CDH12: variants seen among roughly 807,000 people sequenced by gnomAD.
CDH12 encodes cadherin-12.
CDH12 carries 41 observed loss-of-function variants against 74.1 expected under a neutral mutation model. That is an observed-to-expected ratio of 0.55 (90% CI 0.43 to 0.72). The LOEUF (loss-of-function observed/expected upper bound fraction) is 0.72. CDH12 is among the 30% of genes least tolerant of loss of function. The probability of loss-of-function intolerance (pLI) is 0.00; values close to 1 mark genes in which losing one functional copy is unlikely to be tolerated. For missense variants in CDH12, 945 were observed against 977.2 expected, an observed-to-expected ratio of 0.97 and a Z score of 0.44; for synonymous variants, 399 against 355.0, an observed-to-expected ratio of 1.12 and a Z score of -1.39.
At chr5:22,055,037 A>T (rs564237251) in intron 5 of CDH12, among the ~76,000 whole-genome samples, 37 of 152,300 alleles carry the variant, frequency 2.4e-4, no homozygotes, top group Non-Finnish European at 4.6e-4. Context: ...TGCTGTTAAT[A>T]ATTTTACCCT....
chr5:21,902,088 G>A (rs1354710894), intron 6 of CDH12, among the ~76,000 whole-genome samples: 2 of 151,882 alleles, frequency 1.3e-5, no homozygotes, highest in African/African-American at 2.4e-5. Context: ...TGCACTATAC[G>A]CAAAGCAATA....
At chr5:22,807,948 A>G (rs916209355) in intron 1 of CDH12, among the ~76,000 whole-genome samples, 19 of 152,334 alleles carry the variant, frequency 1.2e-4, no homozygotes, top group African/African-American at 4.3e-4. Context: ...CAGAAACAAA[A>G]AAAATTAAAT....
chr5:22,814,660 TATA>T (rs1375153535), intron 1 of CDH12, among the ~76,000 whole-genome samples: 2 of 152,302 alleles, frequency 1.3e-5, no homozygotes, highest in East Asian at 3.9e-4. Context: ...TGTAGCTAAG[TATA>T]ATTATGTTCA....
At chr5:22,241,206 A>AT (rs1181670450) in intron 3 of CDH12, among the ~76,000 whole-genome samples, 1 of 152,024 alleles carries the variant, frequency 6.6e-6, no homozygotes, top group African/African-American at 2.4e-5. Context: ...AATACTATTT[A>AT]TTTTTTAATA....
At chr5:22,216,116 C>T (rs373520734) in intron 3 of CDH12, among the ~76,000 whole-genome samples, 4 of 152,064 alleles carry the variant, frequency 2.6e-5, no homozygotes, top group South Asian at 2.1e-4. Context: ...CCCACTATGT[C>T]GAACAAATAT....
At chr5:22,089,615 C>T (rs111403194) in intron 4 of CDH12, among the ~76,000 whole-genome samples, 287 of 152,150 alleles carry the variant, frequency 1.9e-3, no homozygotes, top group African/African-American at 6.7e-3. Context: ...ACTAGAGGAG[C>T]TCAACACTAG....
intron 1 of CDH12, among the ~76,000 whole-genome samples, chr5:22,787,984 G>A (rs1177990085): frequency 3.9e-5 from 6 of 152,116 alleles, no homozygotes; most frequent in Admixed American, 3.9e-4. Flanking sequence ...AGTAAGTTCA[G>A]CCACACTCAA....
chr5:21,833,081 A>G (rs1481416913), intron 8 of CDH12, among the ~76,000 whole-genome samples: 3 of 41,992 alleles, frequency 7.1e-5, no homozygotes, highest in Non-Finnish European at 1.3e-4. Flanking sequence ...AATATATATT[A>G]TATTATAAAT....
chr5:21,791,652 T>A (rs1746505237), intron 10 of CDH12, among the ~76,000 whole-genome samples: 1 of 150,358 alleles, frequency 6.7e-6, no homozygotes, highest in African/African-American at 2.4e-5. Context: ...ATAAACCTAA[T>A]TTCATACAAT....
chr5:22,301,578 T>C (rs960358408), intron 3 of CDH12, among the ~76,000 whole-genome samples: 1 of 152,168 alleles, frequency 6.6e-6, no homozygotes, highest in African/African-American at 2.4e-5. Flanking sequence ...CCCAATTTTA[T>C]AATAATGGAA....
intron 1 of CDH12, among the ~76,000 whole-genome samples, chr5:22,546,232 C>T (rs927605824): frequency 6.6e-6 from 1 of 152,146 alleles, no homozygotes; most frequent in East Asian, 1.9e-4. Context: ...GCATGAGCCA[C>T]CACACCCGGC....
intron 3 of CDH12, among the ~76,000 whole-genome samples, chr5:22,369,496 A>G (rs9688074): frequency 0.072 from 10,993 of 152,300 alleles, 454 homozygotes; most frequent in South Asian, 0.16. Flanking sequence ...TTAAAAAAAT[A>G]CATACAAAGA....
intron 8 of CDH12, among the ~76,000 whole-genome samples, chr5:21,824,030 T>C (rs527972130): frequency 5.3e-5 from 8 of 152,258 alleles, no homozygotes; most frequent in Non-Finnish European, 1.5e-5. Context: ...AAAACATAGA[T>C]TTGGAAGTTA....
At chr5:22,471,403 G>A (rs951955270) in intron 2 of CDH12, among the ~76,000 whole-genome samples, 1 of 152,076 alleles carries the variant, frequency 6.6e-6, no homozygotes, top group Admixed American at 6.5e-5. Context: ...TCTTACAATA[G>A]CCTTCCATAT....
intron 5 of CDH12, among the ~76,000 whole-genome samples, chr5:21,999,515 C>G (rs1406460574): frequency 6.6e-6 from 1 of 152,158 alleles, no homozygotes; most frequent in African/African-American, 2.4e-5. Flanking sequence ...CTGCAGCAGC[C>G]TGAAACATAT....
chr5:22,597,618 C>A (rs1316189465), intron 1 of CDH12, among the ~76,000 whole-genome samples: 2 of 152,152 alleles, frequency 1.3e-5, no homozygotes, highest in Non-Finnish European at 2.9e-5. Context: ...GTTTGTTTCA[C>A]TTATATTTTG....
intron 2 of CDH12, among the ~76,000 whole-genome samples, chr5:22,469,851 T>G (rs1365699296): frequency 6.6e-6 from 1 of 152,220 alleles, no homozygotes; most frequent in Non-Finnish European, 1.5e-5. Flanking sequence ...ACAAAAGTCC[T>G]TACTGTGCAA....
At chr5:22,033,216 C>T (rs1314021815) in intron 5 of CDH12, among the ~76,000 whole-genome samples, 1 of 152,070 alleles carries the variant, frequency 6.6e-6, no homozygotes, top group African/African-American at 2.4e-5. Context: ...TAATTTATTG[C>T]TCCAGGAAAT....
At chr5:22,156,610 C>T (rs1748037176) in intron 4 of CDH12, among the ~76,000 whole-genome samples, 1 of 152,038 alleles carries the variant, frequency 6.6e-6, no homozygotes, top group South Asian at 2.1e-4. Flanking sequence ...CTGAAAAATA[C>T]AGTTTTTACA....
Sources: gnomAD v4.1 joint callset for allele counts (sites outside exome capture counted in the v4.1 genomes callset) on GRCh38, gnomAD v4.1.1 for gene constraint, MANE v1.5 for transcripts, NCBI Gene and HGNC (gene_info 2026-07-23, HGNC 2026-07-21) for gene names.